EVA1C: variants seen among roughly 807,000 people sequenced by gnomAD.
The protein encoded by EVA1C is eva-1 homolog C.
Under a neutral mutation model 45.4 loss-of-function variants are expected in EVA1C, and 25 were observed. The ratio of observed to expected loss-of-function variants is 0.55; its 90% CI spans 0.40 to 0.77. The LOEUF (loss-of-function observed/expected upper bound fraction) is 0.77. Among genes scored for constraint, EVA1C ranks in the 30% least tolerant of loss-of-function variants. The pLI is 0.00. For missense variants in EVA1C, 479 were observed against 554.8 expected (o/e 0.86, Z 1.37); for synonymous variants, 190 against 221.2 (o/e 0.86, Z 1.25).
intron 1 of EVA1C, among the ~76,000 whole-genome samples, chr21:32,443,199 G>A (rs1008444352): frequency 1.3e-5 from 2 of 152,154 alleles, no homozygotes; most frequent in African/African-American, 4.8e-5. Context: ...GAGCTGGATT[G>A]TTCAGCATTG....
intron 1 of EVA1C, among the ~76,000 whole-genome samples, chr21:32,415,577 T>C (rs2034003769): frequency 6.6e-6 from 1 of 151,956 alleles, no homozygotes; most frequent in Admixed American, 6.6e-5. Context: ...TTTTCCTGGG[T>C]CATTGATTTT....
chr21:32,456,999 C>T (rs79718622), intron 2 of EVA1C, among the ~76,000 whole-genome samples: 2,692 of 152,260 alleles, frequency 0.018, 85 homozygotes, highest in African/African-American at 0.062. Flanking sequence ...AACTGCTCCC[C>T]GAGGGAGAAG....
rs1012892259 is a variant in EVA1C at position 32,514,828 on chromosome 21, G to T, written c.964G>T (p.Ala322Ser). 1.3e-6 allele frequency: 2 copies of T among 1,571,976 alleles called. No individual in the cohort carries two copies. The highest frequency in any genetic ancestry group is 3.6e-5 in the Admixed American group (2 of 56,162). ...FAYIRAHPER[A>S]ALLFVSSVCI... ...TCCTCCTGCAGCCCACCCGGAGAGA[G>T]CTGCCCTGCTGTTCGTGTCCAGTGT... Residue 322 changes from alanine to serine, a missense_variant, in exon 8 of 8, where the codon GCT becomes TCT. Around this residue, in one of 3 missense-constraint regions of EVA1C, gnomAD observed 366 missense variants for 426.1 expected, o/e 0.86. Coordinates refer to ENST00000300255, the MANE Select transcript of EVA1C (RefSeq NM_058187.5).
At chr21:32,437,196 A>G (rs2034990721) in intron 1 of EVA1C, among the ~76,000 whole-genome samples, 1 of 151,878 alleles carries the variant, frequency 6.6e-6, no homozygotes, top group African/African-American at 2.4e-5. Context: ...AGATTCAAAC[A>G]TAAAATGAGG....
At chr21:32,459,934 T>C (rs1345257239) in intron 3 of EVA1C, among the ~76,000 whole-genome samples, 1 of 152,142 alleles carries the variant, frequency 6.6e-6, no homozygotes, top group East Asian at 1.9e-4. Context: ...TGATATTCTT[T>C]CACATTTTCT....
At chr21:32,483,218 T>A (rs2036855201) in intron 4 of EVA1C, among the ~76,000 whole-genome samples, 2 of 152,136 alleles carry the variant, frequency 1.3e-5, no homozygotes, top group African/African-American at 4.8e-5. Flanking sequence ...CATGTCCTCA[T>A]CCCATTCCCA....
At chr21:32,487,926 A>G (rs1328124235) in intron 4 of EVA1C, among the ~76,000 whole-genome samples, 3 of 152,068 alleles carry the variant, frequency 2.0e-5, no homozygotes, top group African/African-American at 7.2e-5. Context: ...AGAACCCCTG[A>G]TTTATAGGTG....
At chr21:32,446,731 C>T (rs1302504081) in intron 1 of EVA1C, among the ~76,000 whole-genome samples, 1 of 152,178 alleles carries the variant, frequency 6.6e-6, no homozygotes, top group Non-Finnish European at 1.5e-5. Context: ...CTACCTTCAT[C>T]CTGGGAGACG....
At chr21:32,435,900 C>T (rs973339595) in intron 1 of EVA1C, among the ~76,000 whole-genome samples, 1 of 152,286 alleles carries the variant, frequency 6.6e-6, no homozygotes, top group African/African-American at 2.4e-5. Context: ...TACTGTTCCT[C>T]TTTACATTGT....
chr21:32,492,538 C>G (rs1359177266), intron 4 of EVA1C, among the ~76,000 whole-genome samples: 3 of 152,014 alleles, frequency 2.0e-5, no homozygotes. Flanking sequence ...ATGCACAGGA[C>G]TTTGTGTGGC....
chr21:32,474,088 T>A lies in EVA1C; in HGVS notation c.634+6240T>A. On this transcript the variant is annotated intron_variant, in intron 4 of 7. Coordinates refer to ENST00000300255, the MANE Select transcript of EVA1C (RefSeq NM_058187.5). The surrounding 1 kb of genome is among the most constrained non-coding windows in gnomAD (Gnocchi z 4.4). ...GACTACAGGTGCATGCCACCATGCC[T>A]GGCATGGTGGAGATGAAGTCTTGCT... 6 of 322,732 alleles carry A rather than the reference T, an allele frequency of 1.9e-5. No homozygotes were observed. Among genetic ancestry groups the A allele is most frequent in the Non-Finnish European group, 2.7e-5 (6 of 224,404 alleles). 20.0% of individuals were successfully genotyped at this position (322,732 alleles called of 1,614,324 possible). A position where few individuals can be genotyped will look rare whatever the true frequency, so the allele number is the denominator to read the frequency against.
intron 7 of EVA1C, among the ~76,000 whole-genome samples, chr21:32,513,711 T>C (rs1023726716): frequency 9.9e-5 from 15 of 151,714 alleles, no homozygotes; most frequent in African/African-American, 3.6e-4. Flanking sequence ...TATATTTTGG[T>C]ATTTTTTTAA....
intron 1 of EVA1C, among the ~76,000 whole-genome samples, chr21:32,447,996 C>T (rs1227561634): frequency 2.0e-5 from 3 of 152,194 alleles, no homozygotes; most frequent in South Asian, 2.1e-4. Flanking sequence ...TGAGCCACCG[C>T]GCCTGGCCCC....
intron 1 of EVA1C, among the ~76,000 whole-genome samples, chr21:32,442,071 A>G (rs2035196600): frequency 6.6e-6 from 1 of 152,174 alleles, no homozygotes; most frequent in South Asian, 2.1e-4. Context: ...CTGTACTACC[A>G]GGAGAGATTG....
intron 4 of EVA1C, among the ~76,000 whole-genome samples, chr21:32,485,302 G>C (rs1203824790): frequency 6.6e-6 from 1 of 152,068 alleles, no homozygotes; most frequent in East Asian, 1.9e-4. Flanking sequence ...AGAGTGGCTA[G>C]GATTACAGGC....
intron 5 of EVA1C, among the ~76,000 whole-genome samples, chr21:32,498,601 A>G (rs930144283): frequency 1.3e-5 from 2 of 150,856 alleles, no homozygotes; most frequent in African/African-American, 4.9e-5. Flanking sequence ...AGGGGGCCTA[A>G]TTTAGCTTGG....
chr21:32,418,965 TCC>T (rs2034157710), intron 1 of EVA1C, among the ~76,000 whole-genome samples: 1 of 151,282 alleles, frequency 6.6e-6, no homozygotes, highest in South Asian at 2.1e-4. Flanking sequence ...CTATTGGTTT[TCC>T]ATCTTAATAA....
intron 4 of EVA1C, among the ~76,000 whole-genome samples, chr21:32,491,824 A>T (rs1325106483): frequency 6.6e-6 from 1 of 151,948 alleles, no homozygotes; most frequent in Non-Finnish European, 1.5e-5. Context: ...GCAGGAGAGT[A>T]GGAGGAGATG....
At chr21:32,501,286 G>C (rs1189273256) in intron 5 of EVA1C, 129 bp from the exon 6 acceptor site, 1 of 746,096 alleles carries the variant, frequency 1.3e-6, no homozygotes, top group Non-Finnish European at 2.2e-6. Flanking sequence ...AACAGGAAGA[G>C]TGAGTGATTC....
Sources: gnomAD v4.1 joint callset for allele counts (sites outside exome capture counted in the v4.1 genomes callset) on GRCh38, gnomAD v4.1.1 for gene constraint, gnomAD v4.1.1 regional missense constraint, Gnocchi (gnomAD v3.1) non-coding constraint, MANE v1.5 for transcripts, NCBI Gene and HGNC (gene_info 2026-07-23, HGNC 2026-07-21) for gene names.